The following POMT2 variants were observed in gnomAD, a reference collection of about 807,000 sequenced individuals.
POMT2 encodes the protein protein O-mannosyl-transferase 2.
In POMT2, 75 loss-of-function variants were observed where a neutral mutation model predicts 100.0. The observed-to-expected ratio is 0.75, with a 90% CI of 0.62 to 0.91. The LOEUF (loss-of-function observed/expected upper bound fraction) is 0.91, where lower values mean the gene tolerates loss of function less well. Ranked by LOEUF, POMT2 falls within the 40% of genes least tolerant of loss-of-function variation. The pLI, the probability that POMT2 is intolerant of heterozygous loss-of-function variation, is 0.00. For synonymous variants in POMT2, 378 were observed against 374.1 expected (o/e 1.01, Z -0.12); for missense variants, 940 against 955.1 (o/e 0.98, Z 0.21).
At position 77,296,314 on chromosome 14, in the gene POMT2, T is replaced by A. The variant is rs772711053; in HGVS notation, c.1007-41A>T. 3 of 1,405,552 alleles carry A rather than the reference T, an allele frequency of 2.1e-6. No homozygotes were observed. The African/African-American group carries it at 4.2e-5, about 20-fold the overall frequency. The allele number at this position is 1,405,552 out of a possible 1,614,324, so 87.1% of individuals were successfully genotyped here. On this transcript the variant is annotated intron_variant, in intron 8 of 20. Transcript: ENST00000261534. Reference sequence around the variant, plus strand: ...ACAGCAGAGGGGTGAGCTGGCACAGTGCCAGAGGCTGTCCGTGCCTGCGAG... The same window carrying A: ...ACAGCAGAGGGGTGAGCTGGCACAGAGCCAGAGGCTGTCCGTGCCTGCGAG...
At chr14:77,312,845 A>G (rs1308259799) in intron 1 of POMT2, among the ~76,000 whole-genome samples, 1 of 152,224 alleles carries the variant, frequency 6.6e-6, no homozygotes, top group Non-Finnish European at 1.5e-5. Context: ...CATTTTGCTC[A>G]GCCACCCTGT....
intron 20 of POMT2, 81 bp downstream of exon 20, chr14:77,278,313 G>A (rs909808675): frequency 2.0e-5 from 24 of 1,173,292 alleles, no homozygotes; most frequent in South Asian, 9.2e-5. Flanking sequence ...TAAAAGCACC[G>A]CAGGGGATTC....
chr14:77,284,347 A>G (rs2140181009), intron 14 of POMT2: 1 of 214,578 alleles, frequency 4.7e-6, no homozygotes, highest in South Asian at 7.9e-5. Context: ...CATACTTGAT[A>G]AAGAGTTGTT....
At position 77,301,645 on chromosome 14, in the gene POMT2, C is replaced by T. The variant is rs545123064; in HGVS notation, c.657-396G>A. Among the ~76,000 whole-genome samples, 234 of 152,292 alleles carry T rather than the reference C, an allele frequency of 1.5e-3. 1 individual carries two copies. The highest frequency in any genetic ancestry group is 5.2e-3 in the African/African-American group (217 of 41,560). ...TGCCCTTGTCGAAGGCAGCATTTAC[C>T]GAGTGCTTACTATGTATGCGTCACG... is the stretch of plus-strand genomic sequence containing the variant. On this transcript the variant is annotated intron_variant, in intron 5 of 20. Coordinates refer to ENST00000261534, the MANE Select transcript of POMT2 (RefSeq NM_013382.7).
intron 9 of POMT2, among the ~76,000 whole-genome samples, chr14:77,291,765 G>A (rs1316382207): frequency 6.6e-6 from 1 of 152,224 alleles, no homozygotes; most frequent in Non-Finnish European, 1.5e-5. Flanking sequence ...GGGTGTGGTG[G>A]CTCATGCCTG....
intron 11 of POMT2, 60 bp downstream of exon 11, chr14:77,288,699 TAAA>T: frequency 6.9e-7 from 1 of 1,442,622 alleles, no homozygotes; most frequent in South Asian, 1.2e-5. Flanking sequence ...GTTTACTTCT[TAAA>T]ATAACTCCCT....
Position 77,279,870 on chromosome 14 carries a change from A to G in POMT2, c.1844T>C (p.Ile615Thr), listed in dbSNP as rs1890144103. The change falls in exon 18 of 21, where the codon ATT becomes ACT. Residue 615 changes from isoleucine (I) to threonine (T), a missense_variant. By Grantham distance (89) the Ile-to-Thr change is moderately conservative. Transcript: ENST00000261534. ...TGCCCCTCTCTGCATGGCTACAGCA[A>G]TGATGCTCCCTGAGAGGAGGTAGAG... ...IALYLLSGSI[I>T]AVAMQRGARL... The G allele has an allele frequency of 1.2e-6, 2 of 1,613,910 alleles. No individual in the cohort carries two copies. The highest frequency in any genetic ancestry group is 1.1e-5 in the South Asian group (1 of 91,094).
At chr14:77,306,846 T>C (rs1891246273) in intron 2 of POMT2, 1 of 252,746 alleles carries the variant, frequency 4.0e-6, no homozygotes, top group Admixed American at 5.1e-5. Flanking sequence ...GAAAGTGAGA[T>C]TCCAAGTCAC....
intron 14 of POMT2, among the ~76,000 whole-genome samples, chr14:77,284,555 G>GT (rs1890348759): frequency 6.6e-6 from 1 of 152,126 alleles, no homozygotes; most frequent in Non-Finnish European, 1.5e-5. Context: ...GGCTGTGGCA[G>GT]TCACTTTCTA....
In POMT2 at chr14:77,311,628, G is replaced by A. The variant is rs189030838; in HGVS notation, c.333+321C>T. Among the ~76,000 whole-genome samples, 5 of 152,284 alleles carry A rather than the reference G, an allele frequency of 3.3e-5. No homozygotes were observed. The East Asian group carries it at 9.6e-4, about 29-fold the overall frequency. ...GTGTCTGGCTTCTTCCATTTAGCAT[G>A]TTTTCCAGGTTCATCCATGTTGTAG... On this transcript the variant is annotated intron_variant, in intron 2 of 20. Transcript: ENST00000261534.
At position 77,280,383 on chromosome 14, in the gene POMT2, G is replaced by T; in HGVS notation, c.1725+9C>A. ...ATTTCCTGGGAGGAGCCCCAGCCTT[G>T]GATCCTACCTGATAGTTGATAGGCC... On this transcript the variant is annotated intron_variant, in intron 16 of 20. Coordinates refer to ENST00000261534, the MANE Select transcript of POMT2 (RefSeq NM_013382.7). 6.2e-7 allele frequency: 1 copy of T among 1,613,740 alleles called. No homozygotes were observed. Among genetic ancestry groups the T allele is most frequent in the Non-Finnish European group, 8.5e-7 (1 of 1,179,962 alleles).
rs1891629275 is a variant in POMT2, at chr14:77,316,461, C to G, written c.248+3973G>C. Among the ~76,000 whole-genome samples, 4 of 150,396 alleles carry G rather than the reference C, an allele frequency of 2.7e-5. No individual in the cohort carries two copies. In the South Asian group the frequency reaches 8.4e-4, roughly 32 times the overall value. ...TGGTGGCACGTGCCTGTAGTGCCAG[C>G]TACTCAGGAGGCTGAGACAGGAGGA... On this transcript the variant is annotated intron_variant, in intron 1 of 20. Transcript: ENST00000261534.
chr14:77,286,891 A>G (rs1890445671), intron 11 of POMT2, 69 bp from the exon 12 acceptor site: 5 of 1,610,436 alleles, frequency 3.1e-6, no homozygotes, highest in Non-Finnish European at 3.4e-6. Context: ...TTCTTTTACC[A>G]AGGATGTTCA....
chr14:77,280,494 A>G (rs1171370433), intron 15 of POMT2, 31 bp from the exon 16 acceptor site: 1 of 1,613,994 alleles, frequency 6.2e-7, no homozygotes, highest in Admixed American at 1.7e-5. Context: ...AAGCTAGTCA[A>G]GACAGAGATC....
At chr14:77,280,320 C>A in intron 16 of POMT2, 72 bp downstream of exon 16, 1 of 1,605,522 alleles carries the variant, frequency 6.2e-7, no homozygotes, top group Non-Finnish European at 8.5e-7. Context: ...ACACCCACCC[C>A]CGCCTCCACC....
chr14:77,282,384 A>G (rs1482270979), intron 15 of POMT2, among the ~76,000 whole-genome samples: 1 of 152,034 alleles, frequency 6.6e-6, no homozygotes, highest in Non-Finnish European at 1.5e-5. Flanking sequence ...CCGGGCCACT[A>G]CTCAGCCAGC....
At chr14:77,290,875 G>A (rs905272789) in intron 10 of POMT2, among the ~76,000 whole-genome samples, 1 of 152,220 alleles carries the variant, frequency 6.6e-6, no homozygotes, top group African/African-American at 2.4e-5. Context: ...GGGCTGAGCA[G>A]TGGGCAGGAT....
At chr14:77,319,873 A>G (rs550392282) in intron 1 of POMT2, among the ~76,000 whole-genome samples, 17 of 152,350 alleles carry the variant, frequency 1.1e-4, no homozygotes, top group Admixed American at 3.3e-4. Context: ...CTTTTTGCTT[A>G]AAGAATTCCA....
intron 15 of POMT2, among the ~76,000 whole-genome samples, chr14:77,280,888 T>G (rs557448756): frequency 9.2e-5 from 14 of 152,124 alleles, no homozygotes; most frequent in African/African-American, 3.1e-4. Context: ...GGTCAGGAGT[T>G]CAAGACCAGC....
Sources: gnomAD v4.1 joint callset for allele counts (sites outside exome capture counted in the v4.1 genomes callset) on GRCh38, gnomAD v4.1.1 for gene constraint, MANE v1.5 for transcripts, NCBI Gene and HGNC (gene_info 2026-07-23, HGNC 2026-07-21) for gene names.